The following FBLN1 variants were observed in gnomAD, a reference collection of about 807,000 sequenced individuals.
FBLN1 encodes fibulin-1.
Under a neutral mutation model 89.7 loss-of-function variants are expected in FBLN1, and 34 were observed. The ratio of observed to expected loss-of-function variants is 0.38; its 90% CI spans 0.29 to 0.50. FBLN1 has a LOEUF of 0.50. Ranked by LOEUF, FBLN1 falls within the 20% of genes least tolerant of loss-of-function variation. The pLI, the probability that FBLN1 is intolerant of heterozygous loss-of-function variation, is 0.92. For synonymous variants in FBLN1, 393 were observed against 391.3 expected (o/e 1.00, Z -0.05); for missense variants, 777 against 988.1 (o/e 0.79, Z 2.86).
chr22:45,600,155 T>C lies in FBLN1; in HGVS notation c.1973-152T>C, dbSNP rs543611416. Reference sequence around the variant, plus strand: ...GCTGACCACTTGGAAGGAGATGTTATTCAGGGGACTCGAGCATCTGGCGTA... The same window carrying C: ...GCTGACCACTTGGAAGGAGATGTTACTCAGGGGACTCGAGCATCTGGCGTA... On this transcript the variant is annotated intron_variant, in intron 16 of 16. Coordinates refer to ENST00000327858, the MANE Select transcript of FBLN1 (RefSeq NM_006486.3). 5 of 886,476 alleles carry C rather than the reference T, an allele frequency of 5.6e-6. No homozygotes were observed. In the South Asian group the frequency reaches 7.1e-5, roughly 13 times the overall value. 54.9% of individuals were successfully genotyped at this position (886,476 alleles called of 1,614,324 possible).
At chr22:45,555,291 A>AT (rs1569254424) in intron 14 of FBLN1, among the ~76,000 whole-genome samples, 86 of 144,152 alleles carry the variant, frequency 6.0e-4, no homozygotes, top group African/African-American at 2.0e-3. Context: ...ATATATATAT[A>AT]AAATGGAATA....
At position 45,597,756 on chromosome 22, in the gene FBLN1, A is replaced by G. The variant is rs2089198960; in HGVS notation, c.1973-2551A>G. Among the ~76,000 whole-genome samples, 1 of 152,222 alleles carries G rather than the reference A, an allele frequency of 6.6e-6. No individual in the cohort carries two copies. The highest frequency in any genetic ancestry group is 2.4e-5 in the African/African-American group (1 of 41,466). ...TCATCACCAGGTAGCAGGCAGAGCA[A>G]GGGTGCTGACAGCCTGCAGAAGCCT... is the stretch of plus-strand genomic sequence containing the variant. On this transcript the variant is annotated intron_variant, in intron 16 of 16. Transcript: ENST00000327858. This position sits in a 1 kb window ranked among gnomAD's most constrained non-coding sequence, Gnocchi z 4.2.
At chr22:45,512,015 G>T (rs570980674) in intron 1 of FBLN1, among the ~76,000 whole-genome samples, 4 of 152,278 alleles carry the variant, frequency 2.6e-5, no homozygotes, top group East Asian at 3.9e-4. Context: ...TGATCTGGGA[G>T]AGAAGATTCC....
chr22:45,593,242 G>A (rs1004069116), intron 16 of FBLN1, among the ~76,000 whole-genome samples: 1 of 136,578 alleles, frequency 7.3e-6, no homozygotes, highest in Admixed American at 8.6e-5. Flanking sequence ...GGAGCTGAAA[G>A]ATGGCTTCGA....
rs1214160613 is a variant in FBLN1, at chr22:45,575,553, A to C, written c.1840+900A>C. On this transcript the variant is annotated intron_variant, in intron 15 of 16. Coordinates refer to ENST00000327858, the MANE Select transcript of FBLN1 (RefSeq NM_006486.3). The surrounding 1 kb of genome is among the most constrained non-coding windows in gnomAD (Gnocchi z 6.3). Reference sequence around the variant, plus strand: ...TGCAGTGGAGGAGGTTTGCATATAGAAACATCATCCTGTTGATCCAGGGCC... The same window carrying C: ...TGCAGTGGAGGAGGTTTGCATATAGCAACATCATCCTGTTGATCCAGGGCC... Among the ~76,000 whole-genome samples the C allele has an allele frequency of 6.6e-6, 1 of 152,116 alleles. No homozygotes were observed. The highest frequency in any genetic ancestry group is 6.5e-5 in the Admixed American group (1 of 15,286).
rs746510342 is a variant in FBLN1, at chr22:45,531,062, C to T, written c.485-203C>T. On this transcript the variant is annotated intron_variant, in intron 4 of 16. Coordinates refer to ENST00000327858, the MANE Select transcript of FBLN1 (RefSeq NM_006486.3). This position sits in a 1 kb window ranked among gnomAD's most constrained non-coding sequence, Gnocchi z 4.9. ...TACAGGTGCCCGCCACCACGCCTGGCCTATAATTGATCAGATATCAATTAT... is the reference window on the plus strand; with the variant it reads ...TACAGGTGCCCGCCACCACGCCTGGTCTATAATTGATCAGATATCAATTAT... 6.6e-6 allele frequency among the ~76,000 whole-genome samples: 1 copy of T among 152,092 alleles called. No individual in the cohort carries two copies. The highest frequency in any genetic ancestry group is 1.5e-5 in the Non-Finnish European group (1 of 68,030).
intron 1 of FBLN1, among the ~76,000 whole-genome samples, chr22:45,510,677 CT>C (rs1301236553): frequency 6.6e-6 from 1 of 152,158 alleles, no homozygotes; most frequent in East Asian, 1.9e-4. Context: ...CAGAATCTCT[CT>C]GAGCATCTGT....
At chr22:45,540,983 G>A (rs774196015) in intron 8 of FBLN1, among the ~76,000 whole-genome samples, 1 of 152,268 alleles carries the variant, frequency 6.6e-6, no homozygotes, top group Non-Finnish European at 1.5e-5. Context: ...CGCAGCGAAC[G>A]ATGGAGGTGC....
At chr22:45,596,029 T>C (rs5764806) in intron 16 of FBLN1, among the ~76,000 whole-genome samples, 106,581 of 152,080 alleles carry the variant, frequency 0.7, 38,235 homozygotes, top group African/African-American at 0.84. Context: ...CCCACCACGC[T>C]CGGCTAATTT....
intron 14 of FBLN1, chr22:45,558,760 C>T (rs2088819340): frequency 1.3e-5 from 2 of 152,640 alleles, no homozygotes; most frequent in South Asian, 4.1e-4. Context: ...CAAATGCAGG[C>T]AACTTATCCT....
At position 45,541,233 on chromosome 22, in the gene FBLN1, C is replaced by T; in HGVS notation, c.927C>T (p.Ile309=). The change falls in exon 9 of 17, where the codon ATC becomes ATT. Residue 309 remains isoleucine (I), a synonymous_variant. Coordinates refer to ENST00000327858, the MANE Select transcript of FBLN1 (RefSeq NM_006486.3). ...IQDALGNCID[I]NECLSISAPC... ...CTCTGTCTTTTCCCGCTGTAGATAT[C>T]AATGAGTGTTTGAGTATCAGTGCCC... 1 of 1,614,252 alleles carries T rather than the reference C, an allele frequency of 6.2e-7. No homozygotes were observed. Among genetic ancestry groups the T allele is most frequent in the African/African-American group, 1.3e-5 (1 of 75,064 alleles).
At chr22:45,523,105 C>T (rs2088272861) in intron 2 of FBLN1, 1 of 772,588 alleles carries the variant, frequency 1.3e-6, no homozygotes, top group Non-Finnish European at 2.4e-6. Context: ...GTGGGGTTGG[C>T]CTCACTGTGC....
intron 14 of FBLN1, among the ~76,000 whole-genome samples, chr22:45,552,250 G>A (rs2088713167): frequency 6.6e-6 from 1 of 152,250 alleles, no homozygotes; most frequent in Admixed American, 6.5e-5. Flanking sequence ...TCTGGAGTGG[G>A]CCATGCCTGC....
chr22:45,585,528 T>G (rs1346658083), intron 16 of FBLN1, among the ~76,000 whole-genome samples: 1 of 152,242 alleles, frequency 6.6e-6, no homozygotes, highest in Non-Finnish European at 1.5e-5. Flanking sequence ...CGATGAGTGA[T>G]TGCCCTGTCC....
rs188261205 is a variant in FBLN1 at position 45,572,071 on chromosome 22, G to C, written c.1698-2440G>C. On this transcript the variant is annotated intron_variant, in intron 14 of 16. Coordinates refer to ENST00000327858, the MANE Select transcript of FBLN1 (RefSeq NM_006486.3). This position sits in a 1 kb window ranked among gnomAD's most constrained non-coding sequence, Gnocchi z 5.8. ...TTGAACCCGGGAGGTGGAGGTTGCAGTGAGCCGATATCGCACCACAGCACT... is the reference window on the plus strand; with the variant it reads ...TTGAACCCGGGAGGTGGAGGTTGCACTGAGCCGATATCGCACCACAGCACT... 6.6e-6 allele frequency among the ~76,000 whole-genome samples: 1 copy of C among 152,254 alleles called. No individual in the cohort carries two copies. Among genetic ancestry groups the C allele is most frequent in the East Asian group, 1.9e-4 (1 of 5,182 alleles).
At chr22:45,569,419 T>C (rs1449046408) in intron 14 of FBLN1, among the ~76,000 whole-genome samples, 1 of 152,150 alleles carries the variant, frequency 6.6e-6, no homozygotes, top group African/African-American at 2.4e-5. Context: ...GGTGGGCAGA[T>C]CACAAGGTCA....
chr22:45,576,851 A>G lies in FBLN1; in HGVS notation c.1841-126A>G. 9.0e-7 allele frequency: 1 copy of G among 1,115,414 alleles called. No homozygotes were observed. Among genetic ancestry groups the G allele is most frequent in the Non-Finnish European group, 1.3e-6 (1 of 758,092 alleles). 69.1% of individuals were successfully genotyped at this position (1,115,414 alleles called of 1,614,324 possible). The stretch of plus-strand genomic sequence containing the variant: ...ACACAGGGGATCTCTGGCTTCATTG[A>G]TGTTGTCTCATGAAAGGGCCCTGGG... On this transcript the variant is annotated intron_variant, in intron 15 of 16. Coordinates refer to ENST00000327858, the MANE Select transcript of FBLN1 (RefSeq NM_006486.3). The surrounding 1 kb of genome is among the most constrained non-coding windows in gnomAD (Gnocchi z 5.2).
chr22:45,600,690 TAA>T lies in FBLN1; in HGVS notation c.*245_*246del. The stretch of plus-strand genomic sequence containing the variant: ...CTTGCTCATTTTTTAATGCGAAGGC[TAA>T]GTGTCACCCCCTTTCTCTGCCTCTG... On this transcript the variant is annotated 3_prime_UTR_variant, in exon 17 of 17. Coordinates refer to ENST00000327858, the MANE Select transcript of FBLN1 (RefSeq NM_006486.3). 1.8e-6 allele frequency: 1 copy of T among 557,692 alleles called. No individual in the cohort carries two copies. 34.5% of individuals were successfully genotyped at this position (557,692 alleles called of 1,614,324 possible).
chr22:45,584,459 A>C (rs956044217), intron 16 of FBLN1, among the ~76,000 whole-genome samples: 1 of 152,216 alleles, frequency 6.6e-6, no homozygotes, highest in African/African-American at 2.4e-5. Flanking sequence ...CTTTTAGGCA[A>C]AGTGTGATTG....
Sources: allele counts gnomAD v4.1 joint callset (sites outside exome capture counted in the v4.1 genomes callset), GRCh38; gene constraint gnomAD v4.1.1; non-coding constraint Gnocchi (gnomAD v3.1); transcripts MANE v1.5; gene names NCBI Gene and HGNC (gene_info 2026-07-23, HGNC 2026-07-21).